The following STAU2 variants were observed in gnomAD, a reference collection of about 807,000 sequenced individuals.
STAU2 encodes staufen double-stranded RNA binding protein 2.
In STAU2, 20 loss-of-function variants were observed where a neutral mutation model predicts 65.9. The ratio of observed to expected loss-of-function variants is 0.30; its 90% CI spans 0.21 to 0.44. The LOEUF (loss-of-function observed/expected upper bound fraction) is 0.44, where lower values mean the gene tolerates loss of function less well. Among genes scored for constraint, STAU2 ranks in the 20% least tolerant of loss-of-function variants. STAU2 has a pLI of 1.00. For synonymous variants in STAU2, 232 were observed against 233.9 expected, an observed-to-expected ratio of 0.99 and a Z score of 0.07; for missense variants, 558 against 683.9, an observed-to-expected ratio of 0.82 and a Z score of 2.05.
intron 13 of STAU2, among the ~76,000 whole-genome samples, chr8:73,431,747 C>T (rs73318743): frequency 0.021 from 3,252 of 152,222 alleles, 111 homozygotes; most frequent in African/African-American, 0.076. Context: ...GGTTTGCGCA[C>T]GCACGCCTGT....
At chr8:73,624,123 C>A (rs1007012528) in intron 6 of STAU2, among the ~76,000 whole-genome samples, 1 of 151,596 alleles carries the variant, frequency 6.6e-6, no homozygotes, top group South Asian at 2.1e-4. Context: ...AAAAATAATA[C>A]GGTACACTAG....
At chr8:73,527,605 G>C in intron 13 of STAU2, 1 of 954,778 alleles carries the variant, frequency 1.0e-6, no homozygotes, top group Non-Finnish European at 1.6e-6. Flanking sequence ...AAGCAAAGCT[G>C]CATGTGCGCA....
At chr8:73,459,891 GGGCAC>G (rs1819258378) in intron 13 of STAU2, among the ~76,000 whole-genome samples, 1 of 152,134 alleles carries the variant, frequency 6.6e-6, no homozygotes, top group Admixed American at 6.5e-5. Flanking sequence ...AACTCCTATC[GGGCAC>G]GGCTCCTTTG....
At chr8:73,536,950 C>T (rs1167405894) in intron 13 of STAU2, among the ~76,000 whole-genome samples, 1 of 152,184 alleles carries the variant, frequency 6.6e-6, no homozygotes, top group Non-Finnish European at 1.5e-5. Flanking sequence ...AAAAGGCAAT[C>T]ATCAGATGCC....
chr8:73,431,217 A>G (rs1817262198), intron 13 of STAU2, among the ~76,000 whole-genome samples: 1 of 152,252 alleles, frequency 6.6e-6, no homozygotes, highest in Non-Finnish European at 1.5e-5. Context: ...CAAATGGACA[A>G]CTAAATGATT....
At chr8:73,706,577 A>G (rs1320018299) in intron 4 of STAU2, among the ~76,000 whole-genome samples, 1 of 152,204 alleles carries the variant, frequency 6.6e-6, no homozygotes, top group East Asian at 1.9e-4. Flanking sequence ...GACTTAGCCA[A>G]TTAGGATTAA....
At chr8:73,693,738 T>C (rs990024195) in intron 4 of STAU2, among the ~76,000 whole-genome samples, 5 of 152,370 alleles carry the variant, frequency 3.3e-5, no homozygotes, top group Middle Eastern at 3.4e-3. Flanking sequence ...AGACACACTG[T>C]TTATGAATTT....
chr8:73,647,640 G>A (rs1277928650), intron 6 of STAU2, among the ~76,000 whole-genome samples: 1 of 150,312 alleles, frequency 6.7e-6, no homozygotes, highest in Non-Finnish European at 1.5e-5. Context: ...GTGCAGTGGT[G>A]TGATCATGGC....
rs1259082751 is a variant in STAU2, at chr8:73,420,956, G to A, written c.*416C>T. 6.0e-6 allele frequency: 1 copy of A among 165,712 alleles called. No homozygotes were observed. The highest frequency in any genetic ancestry group is 2.4e-5 in the African/African-American group (1 of 41,668). 10.3% of individuals were successfully genotyped at this position (165,712 alleles called of 1,614,324 possible). On this transcript the variant is annotated 3_prime_UTR_variant, in exon 15 of 15. Transcript: ENST00000524300. The stretch of plus-strand genomic sequence containing the variant: ...TGGTTCATTTTCGAATTGTCAAGCA[G>A]TATTTGAAATGAGAGAGAGAGAGAA...
In STAU2 at chr8:73,677,818, T is replaced by C. The variant is rs530285712; in HGVS notation, c.275-4576A>G. Among the ~76,000 whole-genome samples, 5 of 152,276 alleles carry C rather than the reference T, an allele frequency of 3.3e-5. No individual in the cohort carries two copies. In the South Asian group the frequency reaches 6.2e-4, roughly 19 times the overall value. ...TTAAAAGTTTACACCAAATAATCGA[T>C]TCATTCTCTCAGCTTACTATAACAC... On this transcript the variant is annotated intron_variant, in intron 5 of 14. Transcript: ENST00000524300.
intron 12 of STAU2, among the ~76,000 whole-genome samples, chr8:73,579,671 A>G (rs1809842679): frequency 6.6e-6 from 1 of 152,176 alleles, no homozygotes; most frequent in East Asian, 1.9e-4. Context: ...CATAAACCTC[A>G]CATTACAGAG....
rs760690672 is a variant in STAU2, at chr8:73,595,144, T to C, written c.1161+22A>G. ...TTGATATTATGACAGATAGGATACA[T>C]ACATGTAAACTTAACTCTTACCTTC... On this transcript the variant is annotated intron_variant, in intron 11 of 14. Transcript: ENST00000524300. 5.7e-6 allele frequency: 9 copies of C among 1,575,144 alleles called. No individual in the cohort carries two copies. The East Asian group carries it at 6.8e-5, about 12-fold the overall frequency.
chr8:73,576,669 G>A (rs958763665), intron 12 of STAU2, among the ~76,000 whole-genome samples: 6 of 152,070 alleles, frequency 3.9e-5, no homozygotes, highest in Admixed American at 6.6e-5. Flanking sequence ...TGTTAAATAC[G>A]TTATGCATCA....
At chr8:73,582,298 T>C (rs975146395) in intron 12 of STAU2, among the ~76,000 whole-genome samples, 12 of 151,918 alleles carry the variant, frequency 7.9e-5, no homozygotes, top group Non-Finnish European at 5.9e-5. Flanking sequence ...TTAGGCAATG[T>C]TAAGTGAAAA....
At chr8:73,477,132 G>T (rs1347241353) in intron 13 of STAU2, among the ~76,000 whole-genome samples, 1 of 152,124 alleles carries the variant, frequency 6.6e-6, no homozygotes, top group Non-Finnish European at 1.5e-5. Context: ...GCCACCTGGG[G>T]ACACTAAGAG....
At chr8:73,584,265 C>T (rs1431669944) in intron 11 of STAU2, among the ~76,000 whole-genome samples, 1 of 152,084 alleles carries the variant, frequency 6.6e-6, no homozygotes, top group East Asian at 1.9e-4. Context: ...CAACATTTAC[C>T]ATCCTGAGAG....
intron 6 of STAU2, among the ~76,000 whole-genome samples, chr8:73,667,641 A>G (rs1817335733): frequency 6.6e-6 from 1 of 152,278 alleles, no homozygotes; most frequent in Non-Finnish European, 1.5e-5. Flanking sequence ...ATCGGGGCAC[A>G]TCTATCATTC....
chr8:73,675,950 C>T (rs1264410691), intron 5 of STAU2, among the ~76,000 whole-genome samples: 2 of 152,064 alleles, frequency 1.3e-5, no homozygotes, highest in Non-Finnish European at 2.9e-5. Flanking sequence ...GACATCATGT[C>T]TACAACTTAT....
In STAU2 at chr8:73,422,618, C is replaced by T. The variant is rs778756702; in HGVS notation, c.1615G>A (p.Glu539Lys). 32 of 1,512,270 alleles carry T rather than the reference C, an allele frequency of 2.1e-5. No homozygotes were observed. The highest frequency in any genetic ancestry group is 1.8e-5 in the Non-Finnish European group (20 of 1,138,796). The allele number at this position is 1,512,270 out of a possible 1,614,324, so 93.7% of individuals were successfully genotyped here. The change falls in exon 14 of 15, where the codon GAA (glutamate) becomes AAA (lysine). Residue 539 changes from glutamate to lysine, a missense_variant. By Grantham distance (56) the Glu-to-Lys change is moderately conservative. This residue lies in a region of STAU2 where 247 missense variants were observed against 270.1 expected (regional missense o/e 0.91). Coordinates refer to ENST00000524300, the MANE Select transcript of STAU2 (RefSeq NM_001164380.2). ...GAMNIEKGSLEKQAKHLREKA... is the reference protein window; with the variant it reads ...GAMNIEKGSLKKQAKHLREKA... Reference sequence around the variant, plus strand: ...ACTGACAGGGGATTTACTCACTTTTCAAGAGAACCTTTTTCGATATTCATT... The same window carrying T: ...ACTGACAGGGGATTTACTCACTTTTTAAGAGAACCTTTTTCGATATTCATT...
Sources: gnomAD v4.1 joint callset for allele counts (sites outside exome capture counted in the v4.1 genomes callset) on GRCh38, gnomAD v4.1.1 for gene constraint, gnomAD v4.1.1 regional missense constraint, MANE v1.5 for transcripts, NCBI Gene and HGNC (gene_info 2026-07-23, HGNC 2026-07-21) for gene names.